Variants in ZNF407 observed in about 807,000 individuals in gnomAD.
ZNF407 encodes the protein zinc finger protein 407.
Under a neutral mutation model 131.2 loss-of-function variants are expected in ZNF407, and 17 were observed. The observed-to-expected ratio is 0.13, with a 90% CI of 0.09 to 0.19. The LOEUF is 0.19. Ranked by LOEUF, ZNF407 falls within the 10% of genes least tolerant of loss-of-function variation. ZNF407 has a pLI of 1.00. For missense variants in ZNF407, 2,681 were observed against 2,830.6 expected, an observed-to-expected ratio of 0.95 and a Z score of 1.20; for synonymous variants, 1,156 against 1,062.0, an observed-to-expected ratio of 1.09 and a Z score of -1.72.
rs188544857 is a variant in ZNF407, at chr18:75,041,795, C to T, written c.5429-21355C>T. 2.5e-4 allele frequency among the ~76,000 whole-genome samples: 38 copies of T among 152,348 alleles called. 1 individual carries two copies. Among genetic ancestry groups the T allele is most frequent in the African/African-American group, 8.2e-4 (34 of 41,574 alleles). ...ATTTTTATATAAAGCCACATTCATT[C>T]AAGAGGTAGCTTGTCCTTAAACACT... On this transcript the variant is annotated intron_variant, in intron 8 of 8. Coordinates refer to ENST00000299687, the MANE Select transcript of ZNF407 (RefSeq NM_017757.3).
At chr18:74,894,383 CTA>C (rs1324777533) in intron 7 of ZNF407, among the ~76,000 whole-genome samples, 3 of 151,808 alleles carry the variant, frequency 2.0e-5, no homozygotes, top group African/African-American at 4.8e-5. Context: ...TAACATTTTT[CTA>C]TGTTTTTATT....
chr18:74,876,542 A>G (rs971625536), intron 4 of ZNF407, among the ~76,000 whole-genome samples: 1 of 152,238 alleles, frequency 6.6e-6, no homozygotes, highest in African/African-American at 2.4e-5. Context: ...ATATTGTATA[A>G]GTACTAATTT....
intron 3 of ZNF407, among the ~76,000 whole-genome samples, chr18:74,647,100 C>A (rs1405569332): frequency 3.3e-5 from 5 of 151,662 alleles, no homozygotes; most frequent in Non-Finnish European, 7.4e-5. Flanking sequence ...TAACTCGTTG[C>A]TTCTTCTTCT....
intron 3 of ZNF407, among the ~76,000 whole-genome samples, chr18:74,691,576 C>G (rs1967224393): frequency 6.6e-6 from 1 of 151,610 alleles, no homozygotes; most frequent in Non-Finnish European, 1.5e-5. Flanking sequence ...TTATTCCTTT[C>G]CTTGTATCTA....
chr18:74,753,815 C>CT lies in ZNF407; in HGVS notation c.4803-27604dup, dbSNP rs547881023. 1.7e-3 allele frequency among the ~76,000 whole-genome samples: 263 copies of CT among 151,216 alleles called. 1 individual carries two copies. The highest frequency in any genetic ancestry group is 2.5e-3 in the Non-Finnish European group (170 of 67,726). On this transcript the variant is annotated intron_variant, in intron 3 of 8. Coordinates refer to ENST00000299687, the MANE Select transcript of ZNF407 (RefSeq NM_017757.3). ...TCAGGGATATTGGTCTAAAATTTCT[C>CT]TTTTTTTTTGTTGTGTCTCTGCCAG...
chr18:74,969,278 C>G (rs1360649335), intron 8 of ZNF407, among the ~76,000 whole-genome samples: 1 of 152,150 alleles, frequency 6.6e-6, no homozygotes, highest in Non-Finnish European at 1.5e-5. Flanking sequence ...AGATGACTGT[C>G]TTTCCTCATT....
chr18:75,008,357 A>G (rs1301443639), intron 8 of ZNF407, among the ~76,000 whole-genome samples: 1 of 152,180 alleles, frequency 6.6e-6, no homozygotes, highest in East Asian at 1.9e-4. Context: ...GCAAAGAAGG[A>G]AAAATGTCAG....
At chr18:74,689,414 G>C (rs1265335715) in intron 3 of ZNF407, among the ~76,000 whole-genome samples, 1 of 152,174 alleles carries the variant, frequency 6.6e-6, no homozygotes, top group African/African-American at 2.4e-5. Flanking sequence ...TTGTTAGCTT[G>C]CGAAGAGTCA....
At chr18:75,052,643 G>A (rs1973514923) in intron 8 of ZNF407, among the ~76,000 whole-genome samples, 1 of 152,210 alleles carries the variant, frequency 6.6e-6, no homozygotes, top group Non-Finnish European at 1.5e-5. Context: ...TGTGCCAAGT[G>A]GACTCAGGCG....
At chr18:75,025,222 G>A (rs1033874438) in intron 8 of ZNF407, among the ~76,000 whole-genome samples, 3 of 152,122 alleles carry the variant, frequency 2.0e-5, no homozygotes, top group African/African-American at 2.4e-5. Context: ...GAAATAGCAC[G>A]TTTCTAGATA....
chr18:74,999,545 G>T (rs1972821128), intron 8 of ZNF407, among the ~76,000 whole-genome samples: 1 of 152,030 alleles, frequency 6.6e-6, no homozygotes, highest in Non-Finnish European at 1.5e-5. Context: ...TCTACTCCAG[G>T]AATATAGGAA....
intron 4 of ZNF407, among the ~76,000 whole-genome samples, chr18:74,854,833 G>T (rs1191161985): frequency 6.6e-6 from 1 of 152,056 alleles, no homozygotes; most frequent in Non-Finnish European, 1.5e-5. Context: ...TGTTCTGCGG[G>T]CTTCTCTCTG....
intron 8 of ZNF407, among the ~76,000 whole-genome samples, chr18:75,032,655 G>C (rs1378465370): frequency 6.6e-6 from 1 of 152,112 alleles, no homozygotes; most frequent in East Asian, 1.9e-4. Context: ...GGAGACATGG[G>C]GGAAGATAGT....
chr18:74,944,835 C>T (rs1972137224), intron 8 of ZNF407, among the ~76,000 whole-genome samples: 1 of 152,170 alleles, frequency 6.6e-6, no homozygotes, highest in Non-Finnish European at 1.5e-5. Context: ...AGTTTGAGTG[C>T]CACGTCACTA....
At chr18:74,823,757 A>G (rs1262426346) in intron 4 of ZNF407, among the ~76,000 whole-genome samples, 1 of 152,198 alleles carries the variant, frequency 6.6e-6, no homozygotes, top group African/African-American at 2.4e-5. Context: ...CCACACAATA[A>G]TAGTGGGAGG....
At position 74,692,122 on chromosome 18, in the gene ZNF407, G is replaced by GGT. The variant is rs374507240; in HGVS notation, c.4802+51012_4802+51013dup. Among the ~76,000 whole-genome samples, 459 of 151,018 alleles carry GGT rather than the reference G, an allele frequency of 3.0e-3. 1 individual carries two copies. Among genetic ancestry groups the GGT allele is most frequent in the Middle Eastern group, 6.8e-3 (2 of 292 alleles). The stretch of plus-strand genomic sequence containing the variant: ...AAAATAAAAAATGTGTGCGTGTGTG[G>GGT]GTGTGTGTGTGTGGAAAAAAATATA... On this transcript the variant is annotated intron_variant, in intron 3 of 8. Transcript: ENST00000299687.
intron 1 of ZNF407, among the ~76,000 whole-genome samples, chr18:74,626,747 A>T (rs770229975): frequency 3.3e-5 from 5 of 152,236 alleles, no homozygotes; most frequent in Non-Finnish European, 5.9e-5. Flanking sequence ...CGTCAGGCTG[A>T]GCCCAGGAGG....
chr18:74,797,265 G>A (rs1194963960), intron 4 of ZNF407, among the ~76,000 whole-genome samples: 2 of 152,236 alleles, frequency 1.3e-5, no homozygotes, highest in African/African-American at 4.8e-5. Context: ...AAGTGACACT[G>A]TTTTATATTA....
chr18:74,791,102 T>C (rs1164713674), intron 4 of ZNF407, among the ~76,000 whole-genome samples: 1 of 152,188 alleles, frequency 6.6e-6, no homozygotes, highest in African/African-American at 2.4e-5. Flanking sequence ...AAGCAGATGA[T>C]TGATAATCCC....
Sources: allele counts gnomAD v4.1 joint callset (sites outside exome capture counted in the v4.1 genomes callset), GRCh38; gene constraint gnomAD v4.1.1; transcripts MANE v1.5; gene names NCBI Gene and HGNC (gene_info 2026-07-23, HGNC 2026-07-21).